Variants in ZNF600 observed in about 807,000 individuals in gnomAD.
ZNF600 encodes zinc finger protein 600.
Under a neutral mutation model 7.3 loss-of-function variants are expected in ZNF600, and 4 were observed. The observed-to-expected ratio is 0.55, with a 90% CI of 0.27 to 1.25. The LOEUF is 1.25. Among genes scored for constraint, ZNF600 ranks in the 50% most tolerant of loss-of-function variants. ZNF600 has a pLI of 0.12. For missense variants in ZNF600, 911 were observed against 922.1 expected, an observed-to-expected ratio of 0.99 and a Z score of 0.16; for synonymous variants, 290 against 308.9, an observed-to-expected ratio of 0.94 and a Z score of 0.64.
At chr19:52,830,299 A>G in the ZNF600 span, among the ~76,000 whole-genome samples, 1 of 152,112 alleles carries the variant, frequency 6.6e-6, no homozygotes, top group Non-Finnish European at 1.5e-5. Context: ...AAAAATCTGG[A>G]GAAAAATTAA....
the ZNF600 span, among the ~76,000 whole-genome samples, chr19:52,796,689 A>G: frequency 6.6e-6 from 1 of 152,182 alleles, no homozygotes; most frequent in Non-Finnish European, 1.5e-5. Context: ...GCTGGTCTTG[A>G]ATACCGGGGC....
exon 4 of ZNF600, chr19:52,765,210 A>T: frequency 3.9e-6 from 2 of 518,288 alleles, no homozygotes; most frequent in Non-Finnish European, 7.8e-6. Context: ...ATGTTCTGCA[A>T]GGAGTGACCT....
At chr19:52,790,667 A>C (rs1056625248), upstream of ZNF600, among the ~76,000 whole-genome samples, 5 of 137,836 alleles carry the variant, frequency 3.6e-5, no homozygotes, top group East Asian at 2.2e-4. Context: ...GAGCAACATT[A>C]TCTCTCTCTC....
the ZNF600 span, among the ~76,000 whole-genome samples, chr19:52,824,187 A>C: frequency 2.0e-5 from 3 of 152,190 alleles, no homozygotes; most frequent in Non-Finnish European, 4.4e-5. Context: ...AAAACAAAAA[A>C]AACACATTAC....
the ZNF600 span, chr19:52,809,968 A>T: frequency 1.3e-6 from 1 of 791,806 alleles, no homozygotes. Flanking sequence ...GACGATGGGA[A>T]CGGCCTGGAG....
At chr19:52,818,435 G>A in the ZNF600 span, among the ~76,000 whole-genome samples, 1 of 152,064 alleles carries the variant, frequency 6.6e-6, no homozygotes, top group Non-Finnish European at 1.5e-5. Context: ...AAATTGGGCT[G>A]GGCTCAGTGG....
At chr19:52,795,650 T>C in the ZNF600 span, among the ~76,000 whole-genome samples, 1 of 152,112 alleles carries the variant, frequency 6.6e-6, no homozygotes. Context: ...CATTGCAATG[T>C]CCGCCTCCTG....
the ZNF600 span, among the ~76,000 whole-genome samples, chr19:52,816,386 C>T: frequency 4.1e-5 from 6 of 145,988 alleles, 1 homozygote; most frequent in Middle Eastern, 6.9e-3. Context: ...CCAGGCAAGC[C>T]GGGCGCGGTG....
the ZNF600 span, among the ~76,000 whole-genome samples, chr19:52,804,802 G>A: frequency 1.3e-5 from 2 of 152,192 alleles, no homozygotes; most frequent in Non-Finnish European, 1.5e-5. Flanking sequence ...ATCACAGCTG[G>A]CCAGTCTAAG....
chr19:52,801,253 G>A, the ZNF600 span: 2 of 1,614,134 alleles, frequency 1.2e-6, no homozygotes, highest in Non-Finnish European at 1.7e-6. Flanking sequence ...AATGAAGAAT[G>A]GAGGGAATTA....
the ZNF600 span, chr19:52,810,636 T>TA: frequency 7.4e-7 from 1 of 1,347,460 alleles, no homozygotes; most frequent in Non-Finnish European, 1.1e-6. Context: ...TCTACAGTGG[T>TA]TTTAACAGCA....
At chr19:52,800,669 GA>G in the ZNF600 span, 1 of 1,613,200 alleles carries the variant, frequency 6.2e-7, no homozygotes, top group Non-Finnish European at 8.5e-7. Flanking sequence ...ATTTGCGACT[GA>G]AAACTTTTTC....
the ZNF600 span, among the ~76,000 whole-genome samples, chr19:52,812,502 C>A: frequency 8.1e-6 from 1 of 123,288 alleles, no homozygotes; most frequent in African/African-American, 3.5e-5. Flanking sequence ...GTGCTGTGTC[C>A]ACTCAGGGTT....
At chr19:52,825,883 G>A in the ZNF600 span, among the ~76,000 whole-genome samples, 6 of 152,170 alleles carry the variant, frequency 3.9e-5, no homozygotes, top group African/African-American at 1.4e-4. Flanking sequence ...AGGTATTCAG[G>A]AGGCTGAGGC....
upstream of ZNF600, among the ~76,000 whole-genome samples, chr19:52,790,780 G>A (rs548807059): frequency 1.4e-4 from 21 of 147,400 alleles, no homozygotes; most frequent in Admixed American, 1.1e-3. Flanking sequence ...TCGACTTCCC[G>A]GATTCAAGTG....
At chr19:52,772,103 G>T (rs768357941) in intron 3 of ZNF600, among the ~76,000 whole-genome samples, 4 of 152,180 alleles carry the variant, frequency 2.6e-5, no homozygotes, top group Non-Finnish European at 2.9e-5. Flanking sequence ...ACCTGAGGTT[G>T]GGAGTTTGAG....
At chr19:52,818,155 C>T in the ZNF600 span, 5 of 1,047,008 alleles carry the variant, frequency 4.8e-6, no homozygotes, top group South Asian at 8.9e-5. Flanking sequence ...CCTACCGCAC[C>T]ACGAACAAAA....
the ZNF600 span, among the ~76,000 whole-genome samples, chr19:52,802,608 C>A: frequency 2.0e-5 from 3 of 151,958 alleles, no homozygotes; most frequent in Non-Finnish European, 2.9e-5. Flanking sequence ...ACTTGGGAGG[C>A]AAAGATTGTG....
At chr19:52,808,015 A>G in the ZNF600 span, 1 of 1,613,274 alleles carries the variant, frequency 6.2e-7, no homozygotes, top group East Asian at 2.2e-5. Flanking sequence ...ACCCAGGGAG[A>G]CCAGGTTCCT....
Sources: allele counts gnomAD v4.1 joint callset (sites outside exome capture counted in the v4.1 genomes callset), GRCh38; gene constraint gnomAD v4.1.1; transcripts MANE v1.5; gene names NCBI Gene and HGNC (gene_info 2026-07-23, HGNC 2026-07-21).